The following JAKMIP2 variants were observed in gnomAD, a reference collection of about 807,000 sequenced individuals.
JAKMIP2 encodes the protein janus kinase and microtubule interacting protein 2.
In JAKMIP2, 25 loss-of-function variants were observed where a neutral mutation model predicts 115.0. The observed-to-expected ratio is 0.22, with a 90% CI of 0.16 to 0.30. The LOEUF is 0.30. JAKMIP2 is among the 10% of genes least tolerant of loss of function. JAKMIP2 has a pLI of 1.00. For synonymous variants in JAKMIP2, 334 were observed against 343.6 expected (o/e 0.97, Z 0.31); for missense variants, 642 against 957.6 (o/e 0.67, Z 4.35).
chr5:147,602,653 C>T (rs115931770), intron 20 of JAKMIP2, among the ~76,000 whole-genome samples: 1,526 of 152,206 alleles, frequency 0.01, 18 homozygotes, highest in Middle Eastern at 0.024. Context: ...ATATAACTAA[C>T]CGTATACTAA....
chr5:147,768,828 G>A (rs1173579162), intron 1 of JAKMIP2, among the ~76,000 whole-genome samples: 1 of 152,120 alleles, frequency 6.6e-6, no homozygotes, highest in Non-Finnish European at 1.5e-5. Flanking sequence ...TGGTCCTTTT[G>A]TGGCTGAATG....
intron 1 of JAKMIP2, among the ~76,000 whole-genome samples, chr5:147,725,156 A>T (rs1278303675): frequency 2.6e-5 from 4 of 152,158 alleles, no homozygotes; most frequent in African/African-American, 9.7e-5. Context: ...CCGTGCCATG[A>T]TAGTTCACAA....
chr5:147,705,152 A>G (rs1225107179), intron 1 of JAKMIP2, among the ~76,000 whole-genome samples: 1 of 152,204 alleles, frequency 6.6e-6, no homozygotes, highest in Non-Finnish European at 1.5e-5. Flanking sequence ...TAAACCCATT[A>G]TAAGTGTGTG....
At chr5:147,777,229 A>G (rs2127089757) in intron 1 of JAKMIP2, among the ~76,000 whole-genome samples, 1 of 152,302 alleles carries the variant, frequency 6.6e-6, no homozygotes, top group South Asian at 2.1e-4. Flanking sequence ...ATAATGCCTG[A>G]CTCACGACTG....
At chr5:147,699,925 T>C (rs938537889) in intron 1 of JAKMIP2, among the ~76,000 whole-genome samples, 8 of 152,330 alleles carry the variant, frequency 5.3e-5, no homozygotes, top group East Asian at 3.9e-4. Flanking sequence ...AAAATTATTC[T>C]CTGGCATGAA....
At chr5:147,655,363 T>C (rs1476122609) in intron 3 of JAKMIP2, among the ~76,000 whole-genome samples, 1 of 152,228 alleles carries the variant, frequency 6.6e-6, no homozygotes, top group Non-Finnish European at 1.5e-5. Context: ...TATTAATTAC[T>C]GCCTCTATTT....
At chr5:147,727,604 C>T (rs1430951602) in intron 1 of JAKMIP2, among the ~76,000 whole-genome samples, 1 of 152,210 alleles carries the variant, frequency 6.6e-6, no homozygotes, top group Non-Finnish European at 1.5e-5. Context: ...CACTAGGTCC[C>T]TCACTCAACA....
At chr5:147,671,134 G>A (rs1349606610) in intron 2 of JAKMIP2, among the ~76,000 whole-genome samples, 1 of 152,104 alleles carries the variant, frequency 6.6e-6, no homozygotes, top group Non-Finnish European at 1.5e-5. Context: ...TCTTGATCCA[G>A]CAAAAATAGG....
intron 1 of JAKMIP2, among the ~76,000 whole-genome samples, chr5:147,764,949 A>AGAGAGAGAGAGAGAGAGGGG (rs1561582593): frequency 4.1e-4 from 30 of 72,636 alleles, no homozygotes; most frequent in Non-Finnish European, 6.2e-4. Flanking sequence ...AGAGAGAGGG[A>AGAGAGAGAGAGAGAGAGGGG]GAGAGAGAGA....
chr5:147,732,772 T>G (rs1753783069), intron 1 of JAKMIP2, among the ~76,000 whole-genome samples: 1 of 152,234 alleles, frequency 6.6e-6, no homozygotes, highest in Non-Finnish European at 1.5e-5. Context: ...GCTTGCCCAG[T>G]GTCTCACAGC....
chr5:147,775,402 C>T (rs1000017751), intron 1 of JAKMIP2, among the ~76,000 whole-genome samples: 2 of 152,124 alleles, frequency 1.3e-5, no homozygotes, highest in African/African-American at 4.8e-5. Flanking sequence ...TATCATATAA[C>T]TTGCTGCTTA....
At chr5:147,702,242 C>G (rs1197195583) in intron 1 of JAKMIP2, among the ~76,000 whole-genome samples, 2 of 149,642 alleles carry the variant, frequency 1.3e-5, no homozygotes, top group Admixed American at 6.7e-5. Flanking sequence ...ACAGAAGAAA[C>G]AGCTAAGCTA....
intron 1 of JAKMIP2, among the ~76,000 whole-genome samples, chr5:147,753,117 AGGC>A (rs1384905837): frequency 6.6e-6 from 1 of 152,180 alleles, no homozygotes; most frequent in Non-Finnish European, 1.5e-5. Flanking sequence ...CAAACTCTCA[AGGC>A]AGGGACCATG....
chr5:147,649,183 T>A (rs1457146082), intron 4 of JAKMIP2, among the ~76,000 whole-genome samples: 1 of 152,242 alleles, frequency 6.6e-6, no homozygotes, highest in African/African-American at 2.4e-5. Flanking sequence ...TACATTTTGA[T>A]AATGCTGTAC....
intron 2 of JAKMIP2, among the ~76,000 whole-genome samples, chr5:147,663,644 C>T (rs1759145432): frequency 6.6e-6 from 1 of 152,300 alleles, no homozygotes; most frequent in Admixed American, 6.5e-5. Flanking sequence ...ATTTTACTCA[C>T]CTTAATAGTT....
intron 2 of JAKMIP2, among the ~76,000 whole-genome samples, chr5:147,663,098 C>T (rs140754471): frequency 6.6e-6 from 1 of 152,130 alleles, no homozygotes; most frequent in East Asian, 1.9e-4. Context: ...GAAGGTTTTA[C>T]AAAATAATAG....
At chr5:147,706,518 T>A (rs1752566269) in intron 1 of JAKMIP2, among the ~76,000 whole-genome samples, 5 of 152,210 alleles carry the variant, frequency 3.3e-5, no homozygotes, top group Admixed American at 3.3e-4. Context: ...TATGGTCATC[T>A]GGCTTAACAG....
intron 19 of JAKMIP2, among the ~76,000 whole-genome samples, chr5:147,615,026 T>C (rs1237617695): frequency 6.6e-6 from 1 of 152,224 alleles, no homozygotes; most frequent in East Asian, 1.9e-4. Flanking sequence ...TATACGTTTC[T>C]GCATAGCACT....
intron 9 of JAKMIP2, 123 bp downstream of exon 9, chr5:147,640,581 T>C (rs1359217342): frequency 3.1e-6 from 3 of 967,460 alleles, no homozygotes; most frequent in Non-Finnish European, 4.5e-6. Flanking sequence ...AATTGTTTAC[T>C]ATTATGAGAT....
Sources: gnomAD v4.1 joint callset for allele counts (sites outside exome capture counted in the v4.1 genomes callset) on GRCh38, gnomAD v4.1.1 for gene constraint, MANE v1.5 for transcripts, NCBI Gene and HGNC (gene_info 2026-07-23, HGNC 2026-07-21) for gene names.